Variants in PDE4D observed in about 807,000 individuals in gnomAD.
PDE4D encodes phosphodiesterase 4D, also known as 3',5'-cyclic-AMP phosphodiesterase 4D.
PDE4D carries 24 observed loss-of-function variants against 87.4 expected under a neutral mutation model. The ratio of observed to expected loss-of-function variants is 0.27; its 90% CI spans 0.20 to 0.39. PDE4D has a LOEUF of 0.39. PDE4D is among the 10% of genes least tolerant of loss of function. PDE4D has a pLI of 1.00. For synonymous variants in PDE4D, 384 were observed against 383.2 expected (o/e 1.00, Z -0.02); for missense variants, 714 against 1,041.0 (o/e 0.69, Z 4.32).
chr5:59,030,422 C>CAAAAAAA (rs373275661), intron 6 of PDE4D, among the ~76,000 whole-genome samples: 76 of 58,244 alleles, frequency 1.3e-3, no homozygotes, highest in Middle Eastern at 0.015. Flanking sequence ...AACAGAGATA[C>CAAAAAAA]AAAAAAAAAA....
chr5:60,420,538 G>A (rs1742996160), intron 1 of PDE4D, among the ~76,000 whole-genome samples: 2 of 152,158 alleles, frequency 1.3e-5, no homozygotes, highest in South Asian at 2.1e-4. Context: ...AAAATGTCCA[G>A]TATGCAATAA....
chr5:59,268,386 C>T (rs948190400), intron 1 of PDE4D, among the ~76,000 whole-genome samples: 2 of 152,078 alleles, frequency 1.3e-5, no homozygotes, highest in Non-Finnish European at 2.9e-5. Flanking sequence ...AATTTGAGAG[C>T]TGAGACATAT....
chr5:60,156,622 G>A (rs1374267117), intron 2 of PDE4D, among the ~76,000 whole-genome samples: 1 of 151,898 alleles, frequency 6.6e-6, no homozygotes, highest in Non-Finnish European at 1.5e-5. Flanking sequence ...CATTATAAAA[G>A]TTTCATTCTG....
rs190423730 is a variant in PDE4D, at chr5:60,325,781, G to T, written c.-89-140094C>A. On this transcript the variant is annotated intron_variant, in intron 1 of 16. Transcript: ENST00000502484. Reference sequence around the variant, plus strand: ...CATTATCAGCAGGATCTCCCATGTTGCCCCTCTAATAGCCACACCCAGTTT... The same window carrying T: ...CATTATCAGCAGGATCTCCCATGTTTCCCCTCTAATAGCCACACCCAGTTT... Among the ~76,000 whole-genome samples the T allele has an allele frequency of 2.2e-4, 33 of 152,048 alleles. No homozygotes were observed. The East Asian group carries it at 4.3e-3, about 20-fold the overall frequency.
intron 2 of PDE4D, among the ~76,000 whole-genome samples, chr5:60,037,355 T>C (rs1008386593): frequency 6.6e-6 from 1 of 152,208 alleles, no homozygotes; most frequent in Non-Finnish European, 1.5e-5. Flanking sequence ...TTTTATCTTA[T>C]TGGTACTAGA....
At chr5:59,348,839 C>A (rs553404767) in intron 1 of PDE4D, among the ~76,000 whole-genome samples, 1 of 152,128 alleles carries the variant, frequency 6.6e-6, no homozygotes, top group African/African-American at 2.4e-5. Flanking sequence ...TGCCTGTAAT[C>A]CCAGCACTTT....
intron 2 of PDE4D, among the ~76,000 whole-genome samples, chr5:60,164,023 C>A (rs1437770981): frequency 6.6e-6 from 1 of 152,156 alleles, no homozygotes; most frequent in Non-Finnish European, 1.5e-5. Context: ...ATGTTAACCT[C>A]AAAATGCCAC....
chr5:59,673,752 C>T (rs917353576), intron 1 of PDE4D, among the ~76,000 whole-genome samples: 1 of 152,126 alleles, frequency 6.6e-6, no homozygotes, highest in Non-Finnish European at 1.5e-5. Flanking sequence ...ATAAAAATTC[C>T]TAGAAACTTT....
rs1755500449 is a variant in PDE4D, at chr5:60,315,614, T to G, written c.-89-129927A>C. ...AGGTTTTCTTCTGGGGTTTTTATGG[T>G]TTTAGGTCTAACATTTAAGTCTTTA... On this transcript the variant is annotated intron_variant, in intron 1 of 16. Coordinates refer to the PDE4D transcript ENST00000502484. 2.0e-5 allele frequency among the ~76,000 whole-genome samples: 3 copies of G among 152,190 alleles called. No individual in the cohort carries two copies. The South Asian group carries it at 6.2e-4, about 31-fold the overall frequency.
intron 1 of PDE4D, chr5:60,460,228 T>C: frequency 1.5e-6 from 2 of 1,372,088 alleles, no homozygotes; most frequent in Non-Finnish European, 2.1e-6. Context: ...AGATTTCCAT[T>C]TCATTTCAGT....
chr5:59,554,550 T>C (rs1259218334), intron 1 of PDE4D, among the ~76,000 whole-genome samples: 4 of 152,130 alleles, frequency 2.6e-5, no homozygotes, highest in African/African-American at 9.7e-5. Flanking sequence ...ATATCTAAAA[T>C]CAAGTCCAAA....
Position 59,565,811 on chromosome 5 carries a change from C to T in PDE4D, c.455+327357G>A, listed in dbSNP as rs1312833707. On this transcript the variant is annotated intron_variant, in intron 1 of 14. Coordinates refer to ENST00000340635, the MANE Select transcript of PDE4D (RefSeq NM_001104631.2). Reference sequence around the variant, plus strand: ...TCCTGTCCTCTGCCACACTGTCCTTCGTCACCCTCTGGGGCACCTCCCCTC... The same window carrying T: ...TCCTGTCCTCTGCCACACTGTCCTTTGTCACCCTCTGGGGCACCTCCCCTC... Among the ~76,000 whole-genome samples, 5 of 152,134 alleles carry T rather than the reference C, an allele frequency of 3.3e-5. No homozygotes were observed. In the East Asian group the frequency reaches 5.8e-4, roughly 18 times the overall value.
chr5:59,574,160 A>C (rs1209433), intron 1 of PDE4D, among the ~76,000 whole-genome samples: 1 of 106,934 alleles, frequency 9.4e-6, no homozygotes, highest in African/African-American at 3.6e-5. Context: ...ATATTTATAT[A>C]TATATATATA....
At position 59,732,394 on chromosome 5, in the gene PDE4D, T is replaced by TCACACACACACA. The variant is rs71604799; in HGVS notation, c.455+160762_455+160773dup. On this transcript the variant is annotated intron_variant, in intron 1 of 14. Transcript: ENST00000340635. ...GTGAATTTCAAATGTCAGGAGACAT[T>TCACACACACACA]CACACACACACACACACACACACAC... is the stretch of plus-strand genomic sequence containing the variant. 9.8e-3 allele frequency among the ~76,000 whole-genome samples: 1,439 copies of TCACACACACACA among 146,200 alleles called. 16 individuals carry two copies. Among genetic ancestry groups the TCACACACACACA allele is most frequent in the African/African-American group, 0.03 (1,192 of 39,516 alleles).
At chr5:59,764,614 G>A (rs909649723) in intron 1 of PDE4D, among the ~76,000 whole-genome samples, 3 of 148,270 alleles carry the variant, frequency 2.0e-5, no homozygotes, top group African/African-American at 5.0e-5. Flanking sequence ...ATATAGAAAT[G>A]AAATAACAGG....
At chr5:59,860,283 C>A (rs1245285770) in intron 1 of PDE4D, among the ~76,000 whole-genome samples, 1 of 152,084 alleles carries the variant, frequency 6.6e-6, no homozygotes, top group Non-Finnish European at 1.5e-5. Flanking sequence ...AAATTTGAGA[C>A]ACTGAAATAA....
chr5:59,091,911 G>T (rs1053042167), intron 5 of PDE4D, among the ~76,000 whole-genome samples: 2 of 152,038 alleles, frequency 1.3e-5, no homozygotes, highest in Non-Finnish European at 2.9e-5. Context: ...AAAATCACCA[G>T]GTGTGTATAA....
At chr5:60,099,294 G>T (rs1460324573) in intron 2 of PDE4D, among the ~76,000 whole-genome samples, 2 of 151,658 alleles carry the variant, frequency 1.3e-5, no homozygotes, top group Non-Finnish European at 2.9e-5. Context: ...TTTTTGCGTT[G>T]ATCTTGCCTG....
At chr5:59,728,907 T>G (rs1231796657) in intron 1 of PDE4D, among the ~76,000 whole-genome samples, 1 of 152,098 alleles carries the variant, frequency 6.6e-6, no homozygotes, top group Non-Finnish European at 1.5e-5. Context: ...AAATATTTTA[T>G]GTTTTTATAT....
Sources: allele counts gnomAD v4.1 joint callset (sites outside exome capture counted in the v4.1 genomes callset), GRCh38; gene constraint gnomAD v4.1.1; transcripts MANE v1.5; gene names NCBI Gene and HGNC (gene_info 2026-07-23, HGNC 2026-07-21).